KDM5A: variants seen among roughly 807,000 people sequenced by gnomAD.
The protein encoded by KDM5A is lysine demethylase 5A, also known as lysine-specific demethylase 5A.
Under a neutral mutation model 193.5 loss-of-function variants are expected in KDM5A, and 42 were observed. The observed-to-expected ratio is 0.22, with a 90% CI of 0.17 to 0.28. The LOEUF (loss-of-function observed/expected upper bound fraction) is 0.28, where lower values mean the gene tolerates loss of function less well. Ranked by LOEUF, KDM5A falls within the 10% of genes least tolerant of loss-of-function variation. The pLI is 1.00. For synonymous variants in KDM5A, 796 were observed against 718.1 expected, an observed-to-expected ratio of 1.11 and a Z score of -1.73; for missense variants, 1,692 against 2,055.1, an observed-to-expected ratio of 0.82 and a Z score of 3.42.
rs1467763774 is a variant in KDM5A, at chr12:387,649, A to G, written c.165+1278T>C. ...GTTTCAGAATCAGAAAAACTGATCT[A>G]GGTTCAAAATACACTTTGCCACTTG... is the stretch of plus-strand genomic sequence containing the variant. On this transcript the variant is annotated intron_variant, in intron 1 of 27. Transcript: ENST00000399788. 2.0e-5 allele frequency among the ~76,000 whole-genome samples: 3 copies of G among 152,330 alleles called. No individual in the cohort carries two copies. The East Asian group carries it at 5.8e-4, about 29-fold the overall frequency.
At position 310,338 on chromosome 12, in the gene KDM5A, T is replaced by G. The variant is rs574556760; in HGVS notation, c.3217-374A>C. On this transcript the variant is annotated intron_variant, in intron 21 of 27. Coordinates refer to ENST00000399788, the MANE Select transcript of KDM5A (RefSeq NM_001042603.3). ...ATTTGTGCTTCGGAGAAATACGATC[T>G]TTCAATGATAGGCTGGACGTGGTGG... Among the ~76,000 whole-genome samples, 21 of 152,276 alleles carry G rather than the reference T, an allele frequency of 1.4e-4. No homozygotes were observed. In the East Asian group the frequency reaches 4.1e-3, roughly 29 times the overall value.
At chr12:376,251 T>C (rs557167324) in intron 3 of KDM5A, among the ~76,000 whole-genome samples, 1 of 152,158 alleles carries the variant, frequency 6.6e-6, no homozygotes, top group Admixed American at 6.5e-5. Flanking sequence ...CTGGGCTGCT[T>C]TGTTTACCTA....
chr12:288,159 G>T (rs551883576), intron 27 of KDM5A, among the ~76,000 whole-genome samples: 62 of 152,220 alleles, frequency 4.1e-4, no homozygotes, highest in African/African-American at 1.3e-3. Flanking sequence ...TTGTGTGAAA[G>T]GCCCACAGCA....
At chr12:363,711 C>T (rs1944319294) in intron 4 of KDM5A, among the ~76,000 whole-genome samples, 1 of 151,990 alleles carries the variant, frequency 6.6e-6, no homozygotes, top group Non-Finnish European at 1.5e-5. Context: ...TCTTTGTGAC[C>T]TTGGAAAAGA....
At chr12:340,942 T>C (rs1159294661) in intron 10 of KDM5A, among the ~76,000 whole-genome samples, 2 of 152,128 alleles carry the variant, frequency 1.3e-5, no homozygotes, top group Non-Finnish European at 1.5e-5. Context: ...CATTCTTACA[T>C]GAAGTTGGAG....
At chr12:322,108 G>A (rs1943724434) in intron 17 of KDM5A, among the ~76,000 whole-genome samples, 2 of 152,166 alleles carry the variant, frequency 1.3e-5, no homozygotes, top group African/African-American at 2.4e-5. Flanking sequence ...GCTTCAAAGA[G>A]GTAGGTAAGG....
chr12:369,143 A>G (rs1026495759), intron 3 of KDM5A, among the ~76,000 whole-genome samples: 2 of 152,340 alleles, frequency 1.3e-5, no homozygotes, highest in African/African-American at 4.8e-5. Context: ...AGCTCCTCCT[A>G]TCACACCCTC....
At chr12:332,406 A>G (rs540989559) in intron 12 of KDM5A, among the ~76,000 whole-genome samples, 57 of 152,296 alleles carry the variant, frequency 3.7e-4, no homozygotes, top group Admixed American at 5.9e-4. Context: ...GTTTTACAAT[A>G]ATACTGTATG....
intron 5 of KDM5A, among the ~76,000 whole-genome samples, chr12:360,890 G>C (rs1390188561): frequency 6.6e-6 from 1 of 152,118 alleles, no homozygotes. Flanking sequence ...ATGCCAGAAG[G>C]GATGGAAGAG....
chr12:359,930 A>C (rs1944274958), intron 5 of KDM5A, among the ~76,000 whole-genome samples: 1 of 152,222 alleles, frequency 6.6e-6, no homozygotes, highest in Admixed American at 6.5e-5. Flanking sequence ...ACCATGCTGT[A>C]GCCAATAAGG....
At chr12:355,296 G>C (rs897982475) in intron 6 of KDM5A, 47 bp from the exon 7 acceptor site, 10 of 985,094 alleles carry the variant, frequency 1.0e-5, no homozygotes, top group Non-Finnish European at 1.7e-5. Context: ...AATGTTGAGA[G>C]CTTACTATGG....
chr12:282,737 G>A lies in KDM5A; in HGVS notation c.*2719C>T. On this transcript the variant is annotated 3_prime_UTR_variant, in exon 28 of 28. Transcript: ENST00000399788. ...CAGTTGCAGTTTAGAGGAGATAAGG[G>A]TAGAAAGACATTTTAAATCATGTCT... The A allele has an allele frequency of 8.6e-6, 2 of 232,692 alleles. No individual in the cohort carries two copies. The highest frequency in any genetic ancestry group is 1.7e-5 in the Non-Finnish European group (2 of 117,756). The allele number at this position is 232,692 out of a possible 1,614,324, so 14.4% of individuals were successfully genotyped here. A position where few individuals can be genotyped will look rare whatever the true frequency, so the allele number is the denominator to read the frequency against.
rs1026343179 is a variant in KDM5A at position 319,381 on chromosome 12, A to T, written c.2542-920T>A. ...CGGTTTGCTTTGGGATATATTTTGG[A>T]GGTAATAGCAGCCAGCACTTGTTTA... On this transcript the variant is annotated intron_variant, in intron 18 of 27. Transcript: ENST00000399788. Among the ~76,000 whole-genome samples the T allele has an allele frequency of 1.1e-4, 17 of 152,270 alleles. 1 individual carries two copies. The East Asian group carries it at 3.1e-3, about 28-fold the overall frequency.
At chr12:363,179 C>T (rs1401332291) in intron 4 of KDM5A, 82 bp from the exon 5 acceptor site, 28 of 1,485,474 alleles carry the variant, frequency 1.9e-5, no homozygotes, top group Non-Finnish European at 2.5e-5. Flanking sequence ...TAATAAATTG[C>T]CAATGAATCC....
chr12:356,018 C>G lies in KDM5A; in HGVS notation c.778+414G>C, dbSNP rs185360269. Among the ~76,000 whole-genome samples the G allele has an allele frequency of 4.7e-4, 71 of 152,262 alleles. No individual in the cohort carries two copies. The Middle Eastern group carries it at 0.017, about 37-fold the overall frequency. On this transcript the variant is annotated intron_variant, in intron 6 of 27. Coordinates refer to ENST00000399788, the MANE Select transcript of KDM5A (RefSeq NM_001042603.3). ...ATTCAAATGAACTGACATAATATAT[C>G]AAGGGCAATTACTTTAAAAATTAAA...
Position 358,978 on chromosome 12 carries a change from T to C in KDM5A, c.673-2441A>G, listed in dbSNP as rs952895138. Among the ~76,000 whole-genome samples, 5 of 129,850 alleles carry C rather than the reference T, an allele frequency of 3.9e-5. No individual in the cohort carries two copies. The Admixed American group carries it at 4.3e-4, about 11-fold the overall frequency. The allele number at this position is 129,850 out of a possible 152,430, so 85.2% of individuals were successfully genotyped here. Reference sequence around the variant, plus strand: ...AGAGCAAGACTCCATCTCAAAAAAATAAATAAATAATAAAAAATAAAAAAA... The same window carrying C: ...AGAGCAAGACTCCATCTCAAAAAAACAAATAAATAATAAAAAATAAAAAAA... On this transcript the variant is annotated intron_variant, in intron 5 of 27. Coordinates refer to ENST00000399788, the MANE Select transcript of KDM5A (RefSeq NM_001042603.3).
At chr12:291,900 G>GTT (rs571512585) in intron 27 of KDM5A, among the ~76,000 whole-genome samples, 1 of 144,772 alleles carries the variant, frequency 6.9e-6, no homozygotes. Flanking sequence ...TTAAAACAAT[G>GTT]CTTTTTTTTT....
intron 11 of KDM5A, 89 bp from the exon 12 acceptor site, chr12:333,738 C>T (rs1943891159): frequency 1.6e-6 from 2 of 1,217,226 alleles, no homozygotes; most frequent in South Asian, 1.2e-5. Context: ...TTATAATTAA[C>T]TTGTCTTATT....
chr12:346,017 G>A (rs112289643), intron 10 of KDM5A, among the ~76,000 whole-genome samples: 4 of 151,654 alleles, frequency 2.6e-5, no homozygotes, highest in African/African-American at 9.7e-5. Context: ...GATAGACCAC[G>A]AGCAAGACTA....
Sources: allele counts gnomAD v4.1 joint callset (sites outside exome capture counted in the v4.1 genomes callset), GRCh38; gene constraint gnomAD v4.1.1; transcripts MANE v1.5; gene names NCBI Gene and HGNC (gene_info 2026-07-23, HGNC 2026-07-21).